ADAMTS4: variants seen among roughly 807,000 people sequenced by gnomAD.
ADAMTS4 encodes the protein A disintegrin and metalloproteinase with thrombospondin motifs 4.
A neutral mutation model predicts 66.7 loss-of-function variants in ADAMTS4; 38 were observed. The observed-to-expected ratio is 0.57, with a 90% CI of 0.44 to 0.75. The LOEUF is 0.75. Ranked by LOEUF, ADAMTS4 falls within the 30% of genes least tolerant of loss-of-function variation. ADAMTS4 has a pLI of 0.00. For synonymous variants in ADAMTS4, 418 were observed against 461.5 expected, an observed-to-expected ratio of 0.91 and a Z score of 1.21; for missense variants, 1,014 against 1,116.7, an observed-to-expected ratio of 0.91 and a Z score of 1.31.
At position 161,198,157 on chromosome 1, in the gene ADAMTS4, C is replaced by T. The variant is rs760453310; in HGVS notation, c.471G>A (p.Gly157=). 6.2e-7 allele frequency: 1 copy of T among 1,614,006 alleles called. No individual in the cohort carries two copies. Among genetic ancestry groups the T allele is most frequent in the Non-Finnish European group, 8.5e-7 (1 of 1,179,978 alleles). ...GALLGVLQYR[G]AELHLQPLEG... ...CCAGGGGCTGGAGGTGGAGTTCAGC[C>T]CCCCGATATTGTAACACGCCTAACA... Residue 157 remains glycine (G), a synonymous_variant, in exon 1 of 9, where the codon GGG becomes GGA. Coordinates refer to ENST00000367996, the MANE Select transcript of ADAMTS4 (RefSeq NM_005099.6). The surrounding 1 kb of genome is among the most constrained non-coding windows in gnomAD (Gnocchi z 4.7).
chr1:161,193,441 A>C lies in ADAMTS4; in HGVS notation c.1736-53T>G. 2 of 1,586,094 alleles carry C rather than the reference A, an allele frequency of 1.3e-6. No individual in the cohort carries two copies. On this transcript the variant is annotated intron_variant, in intron 6 of 8. Transcript: ENST00000367996. The surrounding 1 kb of genome is among the most constrained non-coding windows in gnomAD (Gnocchi z 4.4). ...TCCTTCCTTCCTCACATCACCCCAC[A>C]TCCCTCCACCCAACCCCTGAGAACT... is the stretch of plus-strand genomic sequence containing the variant.
In ADAMTS4 at chr1:161,196,773, T is replaced by C. The variant is rs748873850; in HGVS notation, c.741A>G (p.Ala247=). The stretch of plus-strand genomic sequence containing the variant: ...GGTGCTTGAAGGCCTTGGCTGCTGC[T>C]GCCATCACTGTTAGCAGGTAGCGCT... ...GLKRYLLTVM[A]AAAKAFKHPS... Residue 247 remains alanine (A), a synonymous_variant, in exon 2 of 9, where the codon GCA becomes GCG. Coordinates refer to ENST00000367996, the MANE Select transcript of ADAMTS4 (RefSeq NM_005099.6). 21 of 1,612,958 alleles carry C rather than the reference T, an allele frequency of 1.3e-5. No individual in the cohort carries two copies. Among genetic ancestry groups the C allele is most frequent in the East Asian group, 4.5e-5 (2 of 44,892 alleles).
rs1412762783 is a variant in ADAMTS4 at position 161,198,093 on chromosome 1, G to T, written c.535C>A (p.His179Asn). 12 of 1,613,398 alleles carry T rather than the reference G, an allele frequency of 7.4e-6. No homozygotes were observed. The highest frequency in any genetic ancestry group is 9.3e-6 in the Non-Finnish European group (11 of 1,179,614). Residue 179 changes from histidine to asparagine, a missense_variant, in exon 1 of 9, where the codon CAC becomes AAC. His to Asn is a moderately conservative substitution (Grantham distance 68). Transcript: ENST00000367996. This position sits in a 1 kb window ranked among gnomAD's most constrained non-coding sequence, Gnocchi z 4.7. The part of the protein sequence containing the change: ...TPNSAGGPGA[H>N]ILRRKSPASG... ...GCAGGACTCTTCCGGCGTAGGATGT[G>T]AGCCCCAGGTCCCCCAGCAGAGTTA...
At chr1:161,191,967 T>G in intron 8 of ADAMTS4, 98 bp downstream of exon 8, 18 of 1,380,946 alleles carry the variant, frequency 1.3e-5, no homozygotes, top group Non-Finnish European at 1.6e-5. Flanking sequence ...CGCTAGACTG[T>G]GAGCTCTTTG....
rs775876391 is a variant in ADAMTS4 at position 161,193,992 on chromosome 1, G to A, written c.1491C>T (p.Pro497=). Residue 497 remains proline (P), a synonymous_variant, in exon 5 of 9, where the codon CCC becomes CCT. Transcript: ENST00000367996. The surrounding 1 kb of genome is among the most constrained non-coding windows in gnomAD (Gnocchi z 4.4). The stretch of plus-strand genomic sequence containing the variant: ...AGCGACCACCCATGCAGGCCTGTGC[G>A]GGCCCGCAGGGTGTGCCATCGGCCC... The part of the protein sequence containing the change: ...SPWADGTPCG[P]AQACMGGRCL... The A allele has an allele frequency of 2.2e-5, 35 of 1,611,362 alleles. No homozygotes were observed. Among genetic ancestry groups the A allele is most frequent in the South Asian group, 2.0e-4 (18 of 90,858 alleles).
chr1:161,193,077 T>G lies in ADAMTS4; in HGVS notation c.1911+136A>C, dbSNP rs1664718246. 2.0e-6 allele frequency: 2 copies of G among 988,730 alleles called. No individual in the cohort carries two copies. The highest frequency in any genetic ancestry group is 2.9e-6 in the Non-Finnish European group (2 of 690,040). 61.2% of individuals were successfully genotyped at this position (988,730 alleles called of 1,614,324 possible). A position where few individuals can be genotyped will look rare whatever the true frequency, so the allele number is the denominator to read the frequency against. On this transcript the variant is annotated intron_variant, in intron 7 of 8. Transcript: ENST00000367996. The surrounding 1 kb of genome is among the most constrained non-coding windows in gnomAD (Gnocchi z 4.4). ...CCTGATACCCATGTACAGATAAGTC[T>G]GAGTGGAATCCTGGACTGGGCTGGC...
chr1:161,195,767 T>C (rs1473577153), intron 3 of ADAMTS4, 132 bp from the exon 4 acceptor site: 1 of 842,984 alleles, frequency 1.2e-6, no homozygotes, highest in Non-Finnish European at 1.8e-6. Flanking sequence ...AGTCCTTTCC[T>C]TTATGGTACT....
At position 161,195,506 on chromosome 1, in the gene ADAMTS4, C is replaced by G; in HGVS notation, c.1220G>C (p.Cys407Ser). The G allele has an allele frequency of 6.2e-7, 1 of 1,613,400 alleles. No homozygotes were observed. The highest frequency in any genetic ancestry group is 8.5e-7 in the Non-Finnish European group (1 of 1,179,638). The change falls in exon 4 of 9, where the codon TGC becomes TCC. Residue 407 changes from cysteine (C) to serine (S), a missense_variant. Physicochemically the swap from Cys to Ser is moderately radical, Grantham distance 112. Coordinates refer to ENST00000367996, the MANE Select transcript of ADAMTS4 (RefSeq NM_005099.6). ...HVDPEEPWSP[C>S]SARFITDFLD... Reference sequence around the variant, plus strand: ...GAAGTCAGTGATGAAGCGGGCACTGCAGGGGGACCAGGGCTCCTCAGGATC... The same window carrying G: ...GAAGTCAGTGATGAAGCGGGCACTGGAGGGGGACCAGGGCTCCTCAGGATC...
chr1:161,191,267 G>T lies in ADAMTS4; in HGVS notation c.2385C>A (p.Arg795=). Residue 795 remains arginine (R), a synonymous_variant, in exon 9 of 9, where the codon CGC becomes CGA. Transcript: ENST00000367996. The stretch of plus-strand genomic sequence containing the variant: ...GGGGCACGAAGAAGCTGTATCGGAG[G>T]CGTGTGTCCTGGGGGTTGCCAGCCA... ...VLVAGNPQDT[R]LRYSFFVPRP... The T allele has an allele frequency of 1.9e-6, 3 of 1,613,878 alleles. No individual in the cohort carries two copies.
Position 161,196,749 on chromosome 1 carries a change from G to C in ADAMTS4, c.765C>G (p.His255Gln). 6.2e-7 allele frequency: 1 copy of C among 1,613,480 alleles called. No individual in the cohort carries two copies. The highest frequency in any genetic ancestry group is 8.5e-7 in the Non-Finnish European group (1 of 1,180,020). ...AGCTGACAGGATTGCGGATGCTTGG[G>C]TGCTTGAAGGCCTTGGCTGCTGCTG... ...VMAAAAKAFK[H>Q]PSIRNPVSLV... Residue 255 changes from histidine (H) to glutamine (Q), a missense_variant, in exon 2 of 9, where the codon CAC (histidine) becomes CAG (glutamine). Physicochemically the swap from His to Gln is conservative, Grantham distance 24. Transcript: ENST00000367996.
At position 161,198,563 on chromosome 1, in the gene ADAMTS4, G is replaced by C; in HGVS notation, c.65C>G (p.Pro22Arg). ...CGGCACAATGGGGAGCAGGAGGCAG[G>C]GTTGGGCTCCCCACAGCCAGCGCCC... Reference protein sequence around the residue: ...LAGRWLWGAQPCLLLPIVPLS... With the variant: ...LAGRWLWGAQRCLLLPIVPLS... The change falls in exon 1 of 9, where the codon CCC (proline) becomes CGC (arginine). Residue 22 changes from proline (P) to arginine (R), a missense_variant. Physicochemically the swap from Pro to Arg is moderately radical, Grantham distance 103. Coordinates refer to ENST00000367996, the MANE Select transcript of ADAMTS4 (RefSeq NM_005099.6). The surrounding 1 kb of genome is among the most constrained non-coding windows in gnomAD (Gnocchi z 4.7). 6.4e-7 allele frequency: 1 copy of C among 1,558,932 alleles called. No homozygotes were observed. The highest frequency in any genetic ancestry group is 8.7e-7 in the Non-Finnish European group (1 of 1,151,926).
chr1:161,196,256 C>G lies in ADAMTS4; in HGVS notation c.1005G>C (p.Val335=). Reference sequence around the variant, plus strand: ...TCCGAGCCGGGTCACAGACGGTGCCCACATCAGCCATACCCAGCGTGTCGC... The same window carrying G: ...TCCGAGCCGGGTCACAGACGGTGCCGACATCAGCCATACCCAGCGTGTCGC... The part of the protein sequence containing the change: ...STCDTLGMAD[V]GTVCDPARSC... The change falls in exon 3 of 9, where the codon GTG becomes GTC. Residue 335 remains valine, a synonymous_variant. Transcript: ENST00000367996. The G allele has an allele frequency of 6.2e-7, 1 of 1,613,776 alleles. No homozygotes were observed.
At position 161,198,020 on chromosome 1, in the gene ADAMTS4, G is replaced by A. The variant is rs2102019096; in HGVS notation, c.608C>T (p.Pro203Leu). Residue 203 changes from proline to leucine, a missense_variant, in exon 1 of 9, where the codon CCC becomes CTC. Coordinates refer to ENST00000367996, the MANE Select transcript of ADAMTS4 (RefSeq NM_005099.6). This position sits in a 1 kb window ranked among gnomAD's most constrained non-coding sequence, Gnocchi z 4.7. ...MCNVKAPLGS[P>L]SPRPRRAKRF... The stretch of plus-strand genomic sequence containing the variant: ...CTTGGCTCTTCGGGGTCTGGGGCTG[G>A]GGCTTCCAAGAGGAGCCTTGACGTT... The A allele has an allele frequency of 6.3e-7, 1 of 1,576,614 alleles. No homozygotes were observed. Among genetic ancestry groups the A allele is most frequent in the Non-Finnish European group, 8.6e-7 (1 of 1,158,574 alleles).
Position 161,191,029 on chromosome 1 carries a change from A to T in ADAMTS4, c.*109T>A. On this transcript the variant is annotated 3_prime_UTR_variant, in exon 9 of 9. Coordinates refer to ENST00000367996, the MANE Select transcript of ADAMTS4 (RefSeq NM_005099.6). ...GAGAGGAGGGGCAGGTCTCACGCCC[A>T]CAGCCCCTCCCCACTGAGTCTTAGC... 7.7e-7 allele frequency: 1 copy of T among 1,300,942 alleles called. No homozygotes were observed. The highest frequency in any genetic ancestry group is 1.0e-6 in the Non-Finnish European group (1 of 962,860). 80.6% of individuals were successfully genotyped at this position (1,300,942 alleles called of 1,614,324 possible). A position where few individuals can be genotyped will look rare whatever the true frequency, so the allele number is the denominator to read the frequency against.
rs745735551 is a variant in ADAMTS4, at chr1:161,191,296, G to C, written c.2356C>G (p.Leu786Val). The change falls in exon 9 of 9, where the codon CTA (leucine) becomes GTA (valine). Residue 786 changes from leucine (L) to valine (V), a missense_variant. Leu to Val is a conservative substitution (Grantham distance 32, BLOSUM62 1). Transcript: ENST00000367996. ...GTGTCCTGGGGGTTGCCAGCCACTA[G>C]GACTTGCAGTGTCAAAGGCTGGGCC... ...PLAQPLTLQVLVAGNPQDTRL... is the reference protein window; with the variant it reads ...PLAQPLTLQVVVAGNPQDTRL... 2.5e-5 allele frequency: 40 copies of C among 1,613,840 alleles called. No individual in the cohort carries two copies. The highest frequency in any genetic ancestry group is 3.4e-5 in the Non-Finnish European group (40 of 1,180,042).
intron 7 of ADAMTS4, among the ~76,000 whole-genome samples, chr1:161,192,713 G>A (rs1175849404): frequency 1.3e-5 from 2 of 152,174 alleles, no homozygotes; most frequent in African/African-American, 2.4e-5. Context: ...GAAATTCTCA[G>A]GTTGGGGCGA....
intron 8 of ADAMTS4, 74 bp downstream of exon 8, chr1:161,191,991 T>C: frequency 1.3e-6 from 2 of 1,511,392 alleles, no homozygotes; most frequent in Admixed American, 3.5e-5. Flanking sequence ...GTGGAAACAG[T>C]GCTGAGTTCC....
chr1:161,191,074 T>G lies in ADAMTS4; in HGVS notation c.*64A>C, dbSNP rs1571575808. The G allele has an allele frequency of 6.7e-7, 1 of 1,486,610 alleles. No individual in the cohort carries two copies. The allele number at this position is 1,486,610 out of a possible 1,614,324, so 92.1% of individuals were successfully genotyped here. A position where few individuals can be genotyped will look rare whatever the true frequency, so the allele number is the denominator to read the frequency against. ...CTTAGCATGAGGCAGCAACAGAAGC[T>G]CTCTCTTTCTCCCAGCTAAGTCCGA... On this transcript the variant is annotated 3_prime_UTR_variant, in exon 9 of 9. Transcript: ENST00000367996.
At chr1:161,196,096 A>G in intron 3 of ADAMTS4, 75 bp downstream of exon 3, 1 of 1,508,120 alleles carries the variant, frequency 6.6e-7, no homozygotes, top group African/African-American at 1.4e-5. Context: ...GACCCCCATT[A>G]ACACTGTGGT....
Sources: gnomAD v4.1 joint callset for allele counts (sites outside exome capture counted in the v4.1 genomes callset) on GRCh38, gnomAD v4.1.1 for gene constraint, Gnocchi (gnomAD v3.1) non-coding constraint, MANE v1.5 for transcripts, NCBI Gene and HGNC (gene_info 2026-07-23, HGNC 2026-07-21) for gene names.